CACNB2: variants seen among roughly 807,000 people sequenced by gnomAD.
CACNB2 encodes the protein voltage-dependent L-type calcium channel subunit beta-2.
A neutral mutation model predicts 73.3 loss-of-function variants in CACNB2; 42 were observed. That is an observed-to-expected ratio of 0.57 (90% CI 0.45 to 0.74). The LOEUF is 0.74. Ranked by LOEUF, CACNB2 falls within the 30% of genes least tolerant of loss-of-function variation. CACNB2 has a pLI of 0.00. For synonymous variants in CACNB2, 348 were observed against 310.3 expected, an observed-to-expected ratio of 1.12 and a Z score of -1.28; for missense variants, 940 against 853.0, an observed-to-expected ratio of 1.10 and a Z score of -1.27.
At chr10:18,539,057 A>T in intron 13 of CACNB2, 173 bp from the exon 14 acceptor site, 1 of 766,164 alleles carries the variant, frequency 1.3e-6, no homozygotes. Context: ...AATATAGTAT[A>T]GTATAAAGCC....
At chr10:18,187,608 T>A (rs1278940105) in intron 2 of CACNB2, among the ~76,000 whole-genome samples, 1 of 152,120 alleles carries the variant, frequency 6.6e-6, no homozygotes, top group East Asian at 1.9e-4. Flanking sequence ...TATCATCTAG[T>A]GAAATTTTAG....
chr10:18,141,085 A>G, intron 1 of CACNB2: 1 of 1,548,510 alleles, frequency 6.5e-7, no homozygotes, highest in Non-Finnish European at 8.7e-7. Context: ...GCCAGTGGGG[A>G]AGGGCGGGGG....
At chr10:18,176,644 G>A (rs1450495961) in intron 2 of CACNB2, among the ~76,000 whole-genome samples, 1 of 150,444 alleles carries the variant, frequency 6.6e-6, no homozygotes, top group Non-Finnish European at 1.5e-5. Flanking sequence ...GTGAAGGTGG[G>A]TTGTAGCAAA....
intron 3 of CACNB2, among the ~76,000 whole-genome samples, chr10:18,448,221 C>T (rs540022613): frequency 8.3e-4 from 127 of 152,166 alleles, no homozygotes; most frequent in African/African-American, 2.8e-3. Flanking sequence ...TGGTGGCTCA[C>T]ACCTGTAATC....
At chr10:18,408,710 C>A (rs1193226308) in intron 3 of CACNB2, among the ~76,000 whole-genome samples, 1 of 152,162 alleles carries the variant, frequency 6.6e-6, no homozygotes, top group African/African-American at 2.4e-5. Context: ...TGAAAACATT[C>A]TTTCTCTTGC....
At chr10:18,170,825 C>T (rs1052982402) in intron 2 of CACNB2, among the ~76,000 whole-genome samples, 1 of 152,188 alleles carries the variant, frequency 6.6e-6, no homozygotes, top group Non-Finnish European at 1.5e-5. Flanking sequence ...CACATTTTAC[C>T]ACAATACTAG....
At chr10:18,492,869 G>A (rs1296610993) in intron 3 of CACNB2, among the ~76,000 whole-genome samples, 1 of 152,026 alleles carries the variant, frequency 6.6e-6, no homozygotes, top group African/African-American at 2.4e-5. Context: ...GCTTTAATGG[G>A]GGGTAAATAC....
intron 2 of CACNB2, among the ~76,000 whole-genome samples, chr10:18,376,516 A>G (rs966324246): frequency 6.6e-6 from 1 of 152,242 alleles, no homozygotes; most frequent in Non-Finnish European, 1.5e-5. Flanking sequence ...GTGGCTGGAC[A>G]GTTAAAGAGA....
chr10:18,341,097 T>G (rs979103706), intron 2 of CACNB2: 2 of 1,034,202 alleles, frequency 1.9e-6, no homozygotes, highest in Non-Finnish European at 1.5e-6. Context: ...TTTTAGACTT[T>G]CTTATCTTGC....
Position 18,261,104 on chromosome 10 carries a change from C to T in CACNB2, c.213+110129C>T, listed in dbSNP as rs767868406. The T allele has an allele frequency of 9.9e-5, 146 of 1,475,504 alleles. No homozygotes were observed. The highest frequency in any genetic ancestry group is 2.4e-4 in the Middle Eastern group (1 of 4,088). 91.4% of individuals were successfully genotyped at this position (1,475,504 alleles called of 1,614,324 possible). A position where few individuals can be genotyped will look rare whatever the true frequency, so the allele number is the denominator to read the frequency against. ...CAAAGTTTTGGCATGCCTGCAGGAA[C>T]GGTGGCTTTTTTAGAAACTACCTAG... On this transcript the variant is annotated intron_variant, in intron 2 of 13. Coordinates refer to ENST00000324631, the MANE Select transcript of CACNB2 (RefSeq NM_201596.3).
chr10:18,328,903 A>G (rs946991957), intron 2 of CACNB2, among the ~76,000 whole-genome samples: 4 of 152,270 alleles, frequency 2.6e-5, no homozygotes, highest in Admixed American at 2.6e-4. Context: ...GACTGTATTT[A>G]TGTTGGGGGT....
chr10:18,400,584 A>G (rs2043942199), intron 2 of CACNB2: 5 of 1,019,596 alleles, frequency 4.9e-6, no homozygotes, highest in Non-Finnish European at 5.9e-6. Context: ...CGAGATCTCC[A>G]AAGATAAGGC....
intron 11 of CACNB2, among the ~76,000 whole-genome samples, chr10:18,534,645 G>A (rs1372269579): frequency 6.6e-6 from 1 of 152,106 alleles, no homozygotes; most frequent in Admixed American, 6.5e-5. Flanking sequence ...CGCAGTTTGA[G>A]GGGAAAAAAA....
chr10:18,370,222 T>C (rs1209373790), intron 2 of CACNB2, among the ~76,000 whole-genome samples: 1 of 152,234 alleles, frequency 6.6e-6, no homozygotes, highest in Admixed American at 6.5e-5. Context: ...CTGTACAAAA[T>C]GTGCTCCCTG....
Position 18,251,675 on chromosome 10 carries a change from C to T in CACNB2, c.213+100700C>T, listed in dbSNP as rs934487551. On this transcript the variant is annotated intron_variant, in intron 2 of 13. Transcript: ENST00000324631. ...GGTTTAATTGACTCAGTTCCACAGG[C>T]TATACAGGAGGCATGGCTGAGAAGC... 8.5e-5 allele frequency among the ~76,000 whole-genome samples: 13 copies of T among 152,296 alleles called. No individual in the cohort carries two copies. The South Asian group carries it at 1.0e-3, about 12-fold the overall frequency.
chr10:18,295,772 TGC>T (rs2039252132), intron 2 of CACNB2, among the ~76,000 whole-genome samples: 1 of 152,206 alleles, frequency 6.6e-6, no homozygotes. Flanking sequence ...ATTAAGTATG[TGC>T]ATGTTATTAT....
intron 2 of CACNB2, among the ~76,000 whole-genome samples, chr10:18,349,041 C>T (rs190851057): frequency 6.6e-6 from 1 of 152,296 alleles, no homozygotes; most frequent in Admixed American, 6.5e-5. Context: ...GATCACTTGA[C>T]TCCCGGAAGT....
intron 2 of CACNB2, among the ~76,000 whole-genome samples, chr10:18,219,636 A>G (rs2035649020): frequency 6.6e-6 from 1 of 152,156 alleles, no homozygotes; most frequent in African/African-American, 2.4e-5. Flanking sequence ...CCTCCTTTAG[A>G]ATACAAAAAC....
intron 9 of CACNB2, among the ~76,000 whole-genome samples, chr10:18,524,389 C>G (rs1448641216): frequency 6.6e-6 from 1 of 152,088 alleles, no homozygotes; most frequent in African/African-American, 2.4e-5. Context: ...AGCACAGTGG[C>G]TGTCACCTGT....
Sources: allele counts gnomAD v4.1 joint callset (sites outside exome capture counted in the v4.1 genomes callset), GRCh38; gene constraint gnomAD v4.1.1; transcripts MANE v1.5; gene names NCBI Gene and HGNC (gene_info 2026-07-23, HGNC 2026-07-21).